Variants in SDK1 observed in about 807,000 individuals in gnomAD.
SDK1 encodes the protein protein sidekick-1.
Under a neutral mutation model 245.5 loss-of-function variants are expected in SDK1, and 157 were observed. The observed-to-expected ratio is 0.64, with a 90% CI of 0.56 to 0.73. The LOEUF is 0.73. Ranked by LOEUF, SDK1 falls within the 30% of genes least tolerant of loss-of-function variation. SDK1 has a pLI of 0.00. For missense variants in SDK1, 3,583 were observed against 3,002.3 expected, an observed-to-expected ratio of 1.19 and a Z score of -4.52; for synonymous variants, 1,647 against 1,278.5, an observed-to-expected ratio of 1.29 and a Z score of -6.15.
rs564649481 is a variant in SDK1, at chr7:3,833,850, A to C, written c.847+12267A>C. ...TGATGAAAATCTAGGAAGCAGTTCT[A>C]CTTGAACCCTAGCCTGGCATTAGAT... On this transcript the variant is annotated intron_variant, in intron 5 of 44. Transcript: ENST00000404826. Among the ~76,000 whole-genome samples, 17 of 152,316 alleles carry C rather than the reference A, an allele frequency of 1.1e-4. No individual in the cohort carries two copies. In the South Asian group the frequency reaches 2.1e-3, roughly 19 times the overall value.
chr7:3,635,323 A>G (rs949087644), intron 2 of SDK1, among the ~76,000 whole-genome samples: 3 of 152,188 alleles, frequency 2.0e-5, no homozygotes, highest in Non-Finnish European at 4.4e-5. Flanking sequence ...GCTCAAGAAG[A>G]TTATCAGAGG....
At chr7:3,620,468 A>C (rs1781903483) in intron 2 of SDK1, among the ~76,000 whole-genome samples, 1 of 152,006 alleles carries the variant, frequency 6.6e-6, no homozygotes, top group Admixed American at 6.6e-5. Context: ...ACACCTGGCT[A>C]ATTTTTGTAT....
chr7:3,880,489 A>G (rs1450400751), intron 5 of SDK1, among the ~76,000 whole-genome samples: 1 of 151,972 alleles, frequency 6.6e-6, no homozygotes, highest in Non-Finnish European at 1.5e-5. Flanking sequence ...GCCAAGATCA[A>G]AAAAGTGCAG....
intron 44 of SDK1, among the ~76,000 whole-genome samples, chr7:4,261,853 G>A (rs1363624913): frequency 4.6e-5 from 7 of 151,926 alleles, no homozygotes; most frequent in African/African-American, 1.5e-4. Flanking sequence ...CTTGGTCTCT[G>A]TGCCACCAGG....
chr7:4,209,984 A>C (rs759858159), intron 37 of SDK1, 41 bp from the exon 38 acceptor site: 1 of 1,509,160 alleles, frequency 6.6e-7, no homozygotes, highest in Non-Finnish European at 8.9e-7. Flanking sequence ...TGATCTATGT[A>C]GGAGCCCCTG....
At chr7:3,574,979 C>T (rs1186736130) in intron 1 of SDK1, among the ~76,000 whole-genome samples, 1 of 152,030 alleles carries the variant, frequency 6.6e-6, no homozygotes. Flanking sequence ...TCTGGAGTTA[C>T]CCTTTCTGCC....
At chr7:3,493,290 C>G (rs1441895470) in intron 1 of SDK1, among the ~76,000 whole-genome samples, 1 of 152,182 alleles carries the variant, frequency 6.6e-6, no homozygotes, top group Non-Finnish European at 1.5e-5. Context: ...GTCCATCCAT[C>G]TCCCTACCCT....
chr7:3,741,854 G>C (rs1281831069), intron 4 of SDK1, among the ~76,000 whole-genome samples: 1 of 152,088 alleles, frequency 6.6e-6, no homozygotes, highest in Non-Finnish European at 1.5e-5. Context: ...ATATACGTGT[G>C]TGTGGACCTA....
At chr7:3,453,649 G>A (rs185927124) in intron 1 of SDK1, among the ~76,000 whole-genome samples, 45 of 152,302 alleles carry the variant, frequency 3.0e-4, no homozygotes, top group African/African-American at 1.1e-3. Context: ...AGAGCCTCCA[G>A]AGGGAGAGCA....
At chr7:4,203,770 G>A (rs1369208420) in intron 35 of SDK1, among the ~76,000 whole-genome samples, 1 of 152,226 alleles carries the variant, frequency 6.6e-6, no homozygotes, top group African/African-American at 2.4e-5. Context: ...TCTCCAAACC[G>A]ACACGCTTTG....
chr7:3,398,184 A>T (rs569613667), intron 1 of SDK1, among the ~76,000 whole-genome samples: 2 of 152,034 alleles, frequency 1.3e-5, no homozygotes, highest in African/African-American at 4.8e-5. Context: ...TTCCCGTAGT[A>T]TCCTTGCTTT....
At chr7:3,339,526 G>A (rs1463371030) in intron 1 of SDK1, among the ~76,000 whole-genome samples, 2 of 151,938 alleles carry the variant, frequency 1.3e-5, no homozygotes, top group African/African-American at 4.8e-5. Context: ...ATTATTCTGG[G>A]CTATAAAATA....
intron 35 of SDK1, among the ~76,000 whole-genome samples, chr7:4,182,587 G>A (rs1314265249): frequency 6.6e-6 from 1 of 152,200 alleles, no homozygotes; most frequent in African/African-American, 2.4e-5. Context: ...CAGGGCTGCA[G>A]GGAAGGCTAA....
At chr7:3,511,233 C>G (rs184320141) in intron 1 of SDK1, among the ~76,000 whole-genome samples, 1 of 152,202 alleles carries the variant, frequency 6.6e-6, no homozygotes, top group Admixed American at 6.5e-5. Flanking sequence ...TGGGTACTTA[C>G]AAGATAATTT....
intron 22 of SDK1, among the ~76,000 whole-genome samples, chr7:4,105,218 G>A (rs184380054): frequency 3.6e-4 from 55 of 151,098 alleles, no homozygotes; most frequent in East Asian, 1.6e-3. Context: ...CCTGACCTCC[G>A]GTGATCCACT....
chr7:3,924,326 C>T (rs1049119005), intron 5 of SDK1, among the ~76,000 whole-genome samples: 2 of 152,130 alleles, frequency 1.3e-5, no homozygotes, highest in African/African-American at 4.8e-5. Flanking sequence ...CATTTTCTAG[C>T]GCAGCTGCCC....
intron 1 of SDK1, among the ~76,000 whole-genome samples, chr7:3,370,496 A>T (rs889056406): frequency 6.6e-6 from 1 of 152,244 alleles, no homozygotes; most frequent in African/African-American, 2.4e-5. Flanking sequence ...ATGGTGGAAG[A>T]TGATGTAATC....
At chr7:3,860,956 C>T (rs1780674764) in intron 5 of SDK1, among the ~76,000 whole-genome samples, 2 of 152,122 alleles carry the variant, frequency 1.3e-5, no homozygotes, top group Non-Finnish European at 2.9e-5. Flanking sequence ...AGCTCACATC[C>T]AAGGTTACCG....
intron 5 of SDK1, among the ~76,000 whole-genome samples, chr7:3,842,006 C>T (rs1358462272): frequency 6.6e-6 from 1 of 152,246 alleles, no homozygotes; most frequent in African/African-American, 2.4e-5. Context: ...CTCTCCTCCA[C>T]CTCCATGGCT....
Sources: gnomAD v4.1 joint callset for allele counts (sites outside exome capture counted in the v4.1 genomes callset) on GRCh38, gnomAD v4.1.1 for gene constraint, MANE v1.5 for transcripts, NCBI Gene and HGNC (gene_info 2026-07-23, HGNC 2026-07-21) for gene names.